LRRIQ1: variants seen among roughly 807,000 people sequenced by gnomAD.
The protein encoded by LRRIQ1 is leucine rich repeats and IQ motif containing 1.
A neutral mutation model predicts 211.9 loss-of-function variants in LRRIQ1; 210 were observed. That is an observed-to-expected ratio of 0.99 (90% CI 0.89 to 1.11). LRRIQ1 has a LOEUF of 1.11. Among genes scored for constraint, LRRIQ1 ranks in the 50% most tolerant of loss-of-function variants. The pLI, the probability that LRRIQ1 is intolerant of heterozygous loss-of-function variation, is 0.00. For missense variants in LRRIQ1, 2,136 were observed against 1,939.5 expected, an observed-to-expected ratio of 1.10 and a Z score of -1.90; for synonymous variants, 699 against 650.1, an observed-to-expected ratio of 1.08 and a Z score of -1.14.
chr12:85,058,781 G>A (rs1881438109), intron 8 of LRRIQ1, among the ~76,000 whole-genome samples: 1 of 151,926 alleles, frequency 6.6e-6, no homozygotes, highest in South Asian at 2.1e-4. Context: ...GATTCAATAG[G>A]TCTGGTGATC....
chr12:85,216,769 G>T (rs756412792), intron 24 of LRRIQ1, among the ~76,000 whole-genome samples: 20 of 151,594 alleles, frequency 1.3e-4, no homozygotes, highest in Non-Finnish European at 2.5e-4. Flanking sequence ...CAAATTAAAC[G>T]TGAAATTCCT....
At chr12:85,136,395 T>A (rs1423050643) in intron 18 of LRRIQ1, among the ~76,000 whole-genome samples, 1 of 151,838 alleles carries the variant, frequency 6.6e-6, no homozygotes, top group African/African-American at 2.4e-5. Flanking sequence ...ATGGGGAAAG[T>A]GGGTAGGGAG....
At chr12:85,119,666 G>A (rs1887832039) in intron 15 of LRRIQ1, among the ~76,000 whole-genome samples, 1 of 152,062 alleles carries the variant, frequency 6.6e-6, no homozygotes, top group Admixed American at 6.6e-5. Flanking sequence ...ATCTTCACCA[G>A]CATTTGGTAT....
intron 3 of LRRIQ1, among the ~76,000 whole-genome samples, chr12:85,042,320 AAAGT>A (rs1878981042): frequency 3.3e-5 from 5 of 151,048 alleles, no homozygotes; most frequent in Admixed American, 3.3e-4. Context: ...CGTAATGAAT[AAAGT>A]AATTTTCCCA....
intron 7 of LRRIQ1, among the ~76,000 whole-genome samples, chr12:85,053,324 G>T (rs1378920864): frequency 6.6e-6 from 1 of 152,032 alleles, no homozygotes; most frequent in Non-Finnish European, 1.5e-5. Context: ...CATATTCAAA[G>T]ATGAAAAATA....
At chr12:85,211,264 T>C (rs778898419) in intron 24 of LRRIQ1, among the ~76,000 whole-genome samples, 9 of 152,220 alleles carry the variant, frequency 5.9e-5, no homozygotes, top group Non-Finnish European at 1.3e-4. Context: ...GAACGAATCA[T>C]TCTTGCTTTA....
chr12:85,137,018 A>T (rs1204642058), intron 18 of LRRIQ1, among the ~76,000 whole-genome samples: 1 of 151,676 alleles, frequency 6.6e-6, no homozygotes, highest in African/African-American at 2.4e-5. Context: ...ATTGCTATAC[A>T]TTCTACCCTG....
At chr12:85,084,019 G>A (rs1884569953) in intron 11 of LRRIQ1, among the ~76,000 whole-genome samples, 1 of 152,142 alleles carries the variant, frequency 6.6e-6, no homozygotes, top group Non-Finnish European at 1.5e-5. Context: ...CAGATGACAT[G>A]ACACAGTGCT....
At chr12:85,041,247 A>G (rs991881360) in intron 3 of LRRIQ1, among the ~76,000 whole-genome samples, 70 of 151,862 alleles carry the variant, frequency 4.6e-4, no homozygotes, top group Admixed American at 4.5e-3. Context: ...ATTCATATTC[A>G]TTCAATAAAT....
At chr12:85,248,580 A>G (rs1280582867), downstream of LRRIQ1, among the ~76,000 whole-genome samples, 1 of 151,668 alleles carries the variant, frequency 6.6e-6, no homozygotes, top group African/African-American at 2.4e-5. Context: ...TACCTCTGTA[A>G]TAGTGAGTAA....
At chr12:85,064,684 A>G (rs1266448539) in intron 8 of LRRIQ1, among the ~76,000 whole-genome samples, 3 of 151,836 alleles carry the variant, frequency 2.0e-5, no homozygotes, top group Non-Finnish European at 2.9e-5. Context: ...TGTTTAATCT[A>G]TTTTAATTTG....
chr12:85,202,893 T>G (rs1038575836), intron 24 of LRRIQ1, among the ~76,000 whole-genome samples: 1 of 152,026 alleles, frequency 6.6e-6, no homozygotes, highest in Non-Finnish European at 1.5e-5. Flanking sequence ...CCTATGTACT[T>G]AAGTGTGTTT....
chr12:85,226,638 G>A (rs1201694270), intron 24 of LRRIQ1, among the ~76,000 whole-genome samples: 3 of 144,226 alleles, frequency 2.1e-5, no homozygotes, highest in East Asian at 4.2e-4. Context: ...CCATTAACTC[G>A]TCATTTACAT....
intron 11 of LRRIQ1, among the ~76,000 whole-genome samples, chr12:85,090,693 G>A (rs1056847823): frequency 1.3e-5 from 2 of 152,182 alleles, no homozygotes; most frequent in Non-Finnish European, 2.9e-5. Flanking sequence ...TATCTTAGAA[G>A]TAAATAACTT....
At chr12:85,083,421 T>C in intron 11 of LRRIQ1, among the ~76,000 whole-genome samples, 1 of 149,112 alleles carries the variant, frequency 6.7e-6, no homozygotes, top group East Asian at 2.0e-4. Flanking sequence ...GAAAATGGAT[T>C]ATTAATTTTT....
intron 24 of LRRIQ1, among the ~76,000 whole-genome samples, chr12:85,204,350 C>T (rs1893439907): frequency 6.6e-6 from 1 of 152,184 alleles, no homozygotes. Context: ...GTCAGAGTCC[C>T]CACACAGAGC....
At chr12:85,262,624 A>T (rs910391138) in intron 1 of LRRIQ1, among the ~76,000 whole-genome samples, 2 of 152,092 alleles carry the variant, frequency 1.3e-5, no homozygotes, top group African/African-American at 4.8e-5. Context: ...TTATCATTTT[A>T]TAGTTGTGAA....
At chr12:85,218,348 C>G (rs1194472145) in intron 24 of LRRIQ1, among the ~76,000 whole-genome samples, 1 of 151,750 alleles carries the variant, frequency 6.6e-6, no homozygotes, top group South Asian at 2.1e-4. Context: ...AAGTCTTGGC[C>G]TTTGGCACTT....
chr12:85,114,543 TG>T (rs1177423669), intron 15 of LRRIQ1, among the ~76,000 whole-genome samples: 6 of 145,772 alleles, frequency 4.1e-5, no homozygotes, highest in Non-Finnish European at 9.1e-5. Context: ...AACATACTTG[TG>T]GGAAAATAAA....
Sources: allele counts gnomAD v4.1 joint callset (sites outside exome capture counted in the v4.1 genomes callset), GRCh38; gene constraint gnomAD v4.1.1; transcripts MANE v1.5; gene names NCBI Gene and HGNC (gene_info 2026-07-23, HGNC 2026-07-21).